DPP6: variants seen among roughly 807,000 people sequenced by gnomAD.
The protein encoded by DPP6 is dipeptidyl peptidase like 6.
A neutral mutation model predicts 122.6 loss-of-function variants in DPP6; 69 were observed. The observed-to-expected ratio is 0.56, with a 90% CI of 0.46 to 0.69. The LOEUF (loss-of-function observed/expected upper bound fraction) is 0.69. Ranked by LOEUF, DPP6 falls within the 30% of genes least tolerant of loss-of-function variation. DPP6 has a pLI of 0.00. For missense variants in DPP6, 928 were observed against 1,116.9 expected (o/e 0.83, Z 2.41); for synonymous variants, 418 against 433.1 (o/e 0.97, Z 0.43).
At chr7:153,998,606 G>T (rs1228438246) in intron 1 of DPP6, among the ~76,000 whole-genome samples, 1 of 152,180 alleles carries the variant, frequency 6.6e-6, no homozygotes, top group Non-Finnish European at 1.5e-5. Flanking sequence ...CACATCAGAG[G>T]AAACCAACTA....
chr7:154,067,828 T>C (rs539878436), intron 1 of DPP6, among the ~76,000 whole-genome samples: 4 of 152,022 alleles, frequency 2.6e-5, no homozygotes, highest in Non-Finnish European at 5.9e-5. Context: ...CACTGCAACC[T>C]CGAACTCCTG....
At chr7:153,787,027 C>T in the DPP6 span, among the ~76,000 whole-genome samples, 1 of 147,210 alleles carries the variant, frequency 6.8e-6, no homozygotes, top group East Asian at 2.0e-4. Context: ...TCTCAGTTCA[C>T]TGCAAGCTCC....
chr7:154,518,101 G>A (rs926739512), intron 3 of DPP6, among the ~76,000 whole-genome samples: 4 of 152,184 alleles, frequency 2.6e-5, no homozygotes, highest in African/African-American at 4.8e-5. Flanking sequence ...ACAATGTCTT[G>A]TACCGCAGAA....
chr7:154,031,080 C>T (rs1799204000), intron 1 of DPP6, among the ~76,000 whole-genome samples: 1 of 152,038 alleles, frequency 6.6e-6, no homozygotes, highest in African/African-American at 2.4e-5. Flanking sequence ...ATTACCTCTC[C>T]CTGGCTATTA....
At chr7:154,226,474 C>T (rs1585678011) in intron 1 of DPP6, among the ~76,000 whole-genome samples, 2 of 152,306 alleles carry the variant, frequency 1.3e-5, no homozygotes, top group South Asian at 4.1e-4. Context: ...CCATCACTGT[C>T]AAGGGATTAC....
chr7:154,446,567 T>C (rs1360113627), intron 2 of DPP6, among the ~76,000 whole-genome samples: 5 of 152,238 alleles, frequency 3.3e-5, no homozygotes, highest in African/African-American at 4.8e-5. Context: ...AAATTACTTA[T>C]ACAATCACTT....
At chr7:154,604,341 G>T (rs1833517378) in intron 5 of DPP6, among the ~76,000 whole-genome samples, 1 of 119,742 alleles carries the variant, frequency 8.4e-6, no homozygotes. Context: ...ACAAATCTTT[G>T]CACCTGATAT....
intron 1 of DPP6, among the ~76,000 whole-genome samples, chr7:154,300,412 G>A (rs1805827896): frequency 6.6e-6 from 1 of 152,214 alleles, no homozygotes; most frequent in East Asian, 1.9e-4. Context: ...GATGCTCCTT[G>A]CAAGGTACTT....
chr7:154,709,091 T>G (rs1387295948), intron 7 of DPP6, among the ~76,000 whole-genome samples: 1 of 152,190 alleles, frequency 6.6e-6, no homozygotes, highest in Non-Finnish European at 1.5e-5. Context: ...GCATTCCTAA[T>G]ATAAATTAAC....
chr7:154,273,251 T>C (rs1033939309), intron 1 of DPP6, among the ~76,000 whole-genome samples: 1 of 152,076 alleles, frequency 6.6e-6, no homozygotes, highest in Non-Finnish European at 1.5e-5. Context: ...CCCGACACTA[T>C]GGTGAAGGAG....
the DPP6 span, among the ~76,000 whole-genome samples, chr7:153,790,059 T>C: frequency 6.6e-6 from 1 of 152,148 alleles, no homozygotes; most frequent in Non-Finnish European, 1.5e-5. Context: ...ATAAGTTAAC[T>C]ACAAAATGAA....
At chr7:154,188,586 A>G (rs1328965593) in intron 1 of DPP6, among the ~76,000 whole-genome samples, 2 of 151,890 alleles carry the variant, frequency 1.3e-5, no homozygotes, top group East Asian at 3.9e-4. Flanking sequence ...TGGAAGGAGG[A>G]CCCCTAACCC....
intron 1 of DPP6, among the ~76,000 whole-genome samples, chr7:154,183,286 G>A (rs1798186119): frequency 6.6e-6 from 1 of 152,114 alleles, no homozygotes; most frequent in African/African-American, 2.4e-5. Context: ...AATCCCAAAA[G>A]AACAGTGTTC....
At chr7:154,555,612 A>G (rs546440532) in intron 4 of DPP6, among the ~76,000 whole-genome samples, 74 of 152,168 alleles carry the variant, frequency 4.9e-4, no homozygotes, top group Non-Finnish European at 1.0e-3. Context: ...AACTTAAAGT[A>G]TAATAATAAT....
At chr7:153,803,854 CATATAT>C in the DPP6 span, among the ~76,000 whole-genome samples, 1 of 150,926 alleles carries the variant, frequency 6.6e-6, no homozygotes, top group African/African-American at 2.4e-5. Context: ...CACACACACA[CATATAT>C]ATATACACAC....
At chr7:154,780,781 A>G (rs900026711) in intron 10 of DPP6, among the ~76,000 whole-genome samples, 3 of 152,236 alleles carry the variant, frequency 2.0e-5, no homozygotes, top group Non-Finnish European at 4.4e-5. Flanking sequence ...GTTAACATGC[A>G]TTGAGGCATG....
chr7:153,938,697 C>T (rs2129016038), intron 1 of DPP6, among the ~76,000 whole-genome samples: 1 of 152,344 alleles, frequency 6.6e-6, no homozygotes, highest in East Asian at 1.9e-4. Flanking sequence ...CTCGCCTTCC[C>T]TGCAACTTCA....
rs146047667 is a variant in DPP6 at position 154,469,953 on chromosome 7, C to G, written c.359-4986C>G. ...GTTTATTTTTAAGCAAAAGTGATCT[C>G]ATTGGAATTTGTGAATTAATGGTAC... On this transcript the variant is annotated intron_variant, in intron 2 of 25. Coordinates refer to ENST00000377770, the MANE Select transcript of DPP6 (RefSeq NM_130797.4). Among the ~76,000 whole-genome samples, 496 of 152,314 alleles carry G rather than the reference C, an allele frequency of 3.3e-3. 2 individuals are homozygous for G. Among genetic ancestry groups the G allele is most frequent in the African/African-American group, 0.011 (463 of 41,560 alleles).
intron 5 of DPP6, among the ~76,000 whole-genome samples, chr7:154,595,033 G>T (rs949563324): frequency 6.6e-6 from 1 of 151,380 alleles, no homozygotes; most frequent in Non-Finnish European, 1.5e-5. Context: ...TGGCATTGAC[G>T]TTAAGATTTT....
Sources: gnomAD v4.1 joint callset for allele counts (sites outside exome capture counted in the v4.1 genomes callset) on GRCh38, gnomAD v4.1.1 for gene constraint, MANE v1.5 for transcripts, NCBI Gene and HGNC (gene_info 2026-07-23, HGNC 2026-07-21) for gene names.